DCLK2: variants seen among roughly 807,000 people sequenced by gnomAD.
DCLK2 encodes the protein doublecortin like kinase 2, also known as serine/threonine-protein kinase DCLK2.
In DCLK2, 31 loss-of-function variants were observed where a neutral mutation model predicts 78.4. The observed-to-expected ratio is 0.40, with a 90% CI of 0.30 to 0.53. The LOEUF is 0.53. Among genes scored for constraint, DCLK2 ranks in the 20% least tolerant of loss-of-function variants. The pLI is 0.61. For synonymous variants in DCLK2, 407 were observed against 374.9 expected (o/e 1.09, Z -0.99); for missense variants, 872 against 973.7 (o/e 0.90, Z 1.39).
At chr4:150,216,914 A>T (rs1740766166) in intron 5 of DCLK2, among the ~76,000 whole-genome samples, 1 of 152,172 alleles carries the variant, frequency 6.6e-6, no homozygotes, top group Admixed American at 6.5e-5. Context: ...TATGAATGGC[A>T]TCCTGAAAAA....
chr4:150,135,620 C>T (rs1580570267), intron 2 of DCLK2, among the ~76,000 whole-genome samples: 1 of 152,246 alleles, frequency 6.6e-6, no homozygotes, highest in East Asian at 1.9e-4. Flanking sequence ...GGCACCTAAC[C>T]CACACTTAGC....
chr4:150,154,540 A>G (rs986263186), intron 2 of DCLK2, among the ~76,000 whole-genome samples: 2 of 152,148 alleles, frequency 1.3e-5, no homozygotes, highest in African/African-American at 4.8e-5. Flanking sequence ...ATGAATTTCT[A>G]TGTGAGATAT....
intron 3 of DCLK2, among the ~76,000 whole-genome samples, chr4:150,197,723 G>A (rs906997889): frequency 5.9e-5 from 9 of 151,916 alleles, no homozygotes; most frequent in African/African-American, 1.9e-4. Flanking sequence ...GAACCTGGGA[G>A]GCGGAGGTTG....
chr4:150,101,830 A>G (rs947655035), intron 1 of DCLK2, among the ~76,000 whole-genome samples: 2 of 152,202 alleles, frequency 1.3e-5, no homozygotes, highest in African/African-American at 4.8e-5. Context: ...AAAAGCGTAT[A>G]TTTAAACAAT....
At chr4:150,154,888 G>T (rs1735155269) in intron 2 of DCLK2, among the ~76,000 whole-genome samples, 1 of 152,120 alleles carries the variant, frequency 6.6e-6, no homozygotes, top group Non-Finnish European at 1.5e-5. Context: ...TAGAACATTA[G>T]CTGATTTTTA....
chr4:150,205,929 G>T (rs1040771282), intron 5 of DCLK2, among the ~76,000 whole-genome samples: 1 of 152,152 alleles, frequency 6.6e-6, no homozygotes, highest in African/African-American at 2.4e-5. Flanking sequence ...ACCGCTTTGG[G>T]GGATCAGATG....
intron 2 of DCLK2, among the ~76,000 whole-genome samples, chr4:150,146,097 A>T (rs139309923): frequency 0.012 from 1,812 of 152,270 alleles, 16 homozygotes; most frequent in Non-Finnish European, 0.017. Flanking sequence ...GCCATTGGTG[A>T]TATTAAGGGC....
intron 2 of DCLK2, among the ~76,000 whole-genome samples, chr4:150,132,235 C>A (rs1311830861): frequency 6.6e-6 from 1 of 152,182 alleles, no homozygotes; most frequent in Non-Finnish European, 1.5e-5. Flanking sequence ...CTTCTGCACA[C>A]AGGTGGTTTT....
At chr4:150,123,449 C>T (rs893376787) in intron 2 of DCLK2, among the ~76,000 whole-genome samples, 2 of 152,034 alleles carry the variant, frequency 1.3e-5, no homozygotes, top group African/African-American at 4.8e-5. Context: ...CTTACATGAG[C>T]GCAGTTTCTG....
intron 2 of DCLK2, among the ~76,000 whole-genome samples, chr4:150,153,597 A>G (rs2150232351): frequency 6.6e-6 from 1 of 152,006 alleles, no homozygotes; most frequent in East Asian, 1.9e-4. Flanking sequence ...ATTTTTTAGT[A>G]GAGACGGGGT....
At chr4:150,097,823 G>A (rs1415386834) in intron 1 of DCLK2, among the ~76,000 whole-genome samples, 1 of 152,152 alleles carries the variant, frequency 6.6e-6, no homozygotes, top group Admixed American at 6.5e-5. Context: ...ATATGATCGG[G>A]ATTTGCAAAA....
At chr4:150,086,346 C>T (rs2150132938) in intron 1 of DCLK2, among the ~76,000 whole-genome samples, 1 of 152,238 alleles carries the variant, frequency 6.6e-6, no homozygotes, top group East Asian at 1.9e-4. Flanking sequence ...GGCAAATATT[C>T]CTTGCCCCTT....
At chr4:150,252,101 A>G (rs1352047705) in intron 15 of DCLK2, among the ~76,000 whole-genome samples, 1 of 152,178 alleles carries the variant, frequency 6.6e-6, no homozygotes, top group African/African-American at 2.4e-5. Flanking sequence ...TGAGAAAGTC[A>G]GAGTTGTCAA....
At chr4:150,241,955 G>A (rs1271587350) in intron 12 of DCLK2, among the ~76,000 whole-genome samples, 2 of 152,208 alleles carry the variant, frequency 1.3e-5, no homozygotes, top group African/African-American at 4.8e-5. Context: ...GGGGAGACAT[G>A]AACATTTAGC....
At chr4:150,232,573 T>C in intron 9 of DCLK2, 109 bp from the exon 10 acceptor site, 3 of 1,525,086 alleles carry the variant, frequency 2.0e-6, no homozygotes, top group Non-Finnish European at 2.7e-6. Flanking sequence ...TAATCGCCGA[T>C]TTTAGTGGCA....
intron 2 of DCLK2, among the ~76,000 whole-genome samples, chr4:150,135,953 G>A (rs1254871999): frequency 6.6e-6 from 1 of 152,174 alleles, no homozygotes; most frequent in African/African-American, 2.4e-5. Context: ...GAGCTTTGTG[G>A]GGTTTCTCCA....
intron 15 of DCLK2, among the ~76,000 whole-genome samples, chr4:150,255,125 G>A (rs928810147): frequency 6.6e-6 from 1 of 152,082 alleles, no homozygotes; most frequent in Non-Finnish European, 1.5e-5. Context: ...GACTTTTTTT[G>A]TTGTTGTTAA....
chr4:150,115,890 A>G (rs1163625695), intron 2 of DCLK2, among the ~76,000 whole-genome samples: 3 of 152,212 alleles, frequency 2.0e-5, no homozygotes, highest in Admixed American at 6.5e-5. Flanking sequence ...GGGTAAATGT[A>G]ATATCCAGTG....
chr4:150,234,923 G>A (rs892204966), intron 10 of DCLK2, among the ~76,000 whole-genome samples: 2 of 152,120 alleles, frequency 1.3e-5, no homozygotes, highest in East Asian at 1.9e-4. Flanking sequence ...CTCCACCGTC[G>A]AACTGAGTTT....
Sources: gnomAD v4.1 joint callset for allele counts (sites outside exome capture counted in the v4.1 genomes callset) on GRCh38, gnomAD v4.1.1 for gene constraint, MANE v1.5 for transcripts, NCBI Gene and HGNC (gene_info 2026-07-23, HGNC 2026-07-21) for gene names.